The following DNAH6 variants were observed in gnomAD, a reference collection of about 807,000 sequenced individuals.
DNAH6 encodes dynein axonemal heavy chain 6.
DNAH6 carries 340 observed loss-of-function variants against 491.4 expected under a neutral mutation model. The observed-to-expected ratio is 0.69, with a 90% CI of 0.63 to 0.76. The LOEUF (loss-of-function observed/expected upper bound fraction) is 0.76, where lower values mean the gene tolerates loss of function less well. Ranked by LOEUF, DNAH6 falls within the 30% of genes least tolerant of loss-of-function variation. The pLI is 0.00. For synonymous variants in DNAH6, 1,603 were observed against 1,686.1 expected (o/e 0.95, Z 1.21); for missense variants, 4,443 against 4,972.2 (o/e 0.89, Z 3.20).
the DNAH6 span, among the ~76,000 whole-genome samples, chr2:84,500,621 T>C: frequency 6.6e-6 from 1 of 152,272 alleles, no homozygotes; most frequent in Admixed American, 6.5e-5. Context: ...TTACTTTAGG[T>C]AGTATAGATA....
intron 45 of DNAH6, among the ~76,000 whole-genome samples, chr2:84,693,418 C>T (rs1695064641): frequency 6.6e-6 from 1 of 152,040 alleles, no homozygotes; most frequent in South Asian, 2.1e-4. Context: ...TTTGAGTGCT[C>T]TCTCTCTAGT....
chr2:84,475,917 G>A, the DNAH6 span, among the ~76,000 whole-genome samples: 2,232 of 152,094 alleles, frequency 0.015, 38 homozygotes, highest in Middle Eastern at 0.095. Flanking sequence ...GCTGAACAAT[G>A]GCAACATCCT....
At chr2:84,532,997 A>G (rs1399538145) in intron 4 of DNAH6, among the ~76,000 whole-genome samples, 3 of 152,302 alleles carry the variant, frequency 2.0e-5, no homozygotes, top group South Asian at 2.1e-4. Context: ...CAGTACACGT[A>G]TGAGAAAAAT....
Position 84,685,316 on chromosome 2 carries a change from TAAAA to T in DNAH6, c.6917-7_6917-4del. On this transcript the variant is annotated splice_polypyrimidine_tract_variant and splice_region_variant and intron_variant, in intron 42 of 76. Coordinates refer to ENST00000389394, the MANE Select transcript of DNAH6 (RefSeq NM_001370.2). ...TTTTTCTTTTTTTTTTTCCTTTTCT[TAAAA>T]AACAGGTATCCTCCAATGTGATCCA... The T allele has an allele frequency of 6.9e-7, 1 of 1,449,224 alleles. No individual in the cohort carries two copies. The highest frequency in any genetic ancestry group is 1.5e-5 in the South Asian group (1 of 67,678). 89.8% of individuals were successfully genotyped at this position (1,449,224 alleles called of 1,614,324 possible). A position where few individuals can be genotyped will look rare whatever the true frequency, so the allele number is the denominator to read the frequency against.
Position 84,703,444 on chromosome 2 carries a change from T to C in DNAH6, c.8111T>C (p.Ile2704Thr), listed in dbSNP as rs997168327. 6.5e-7 allele frequency: 1 copy of C among 1,548,886 alleles called. No individual in the cohort carries two copies. The highest frequency in any genetic ancestry group is 2.0e-5 in the Admixed American group (1 of 50,726). The stretch of plus-strand genomic sequence containing the variant: ...CTCACCAAGCTACTAGAAACAAACA[T>C]ACTAGTAGATAAAATGAAACTAGAT... ...NGLTKLLETN[I>T]LVDKMKLDLS... Residue 2704 changes from isoleucine to threonine, a missense_variant, in exon 50 of 77, where the codon ATA (isoleucine) becomes ACA (threonine). Around this residue, in one of 3 missense-constraint regions of DNAH6, gnomAD observed 2,977 missense variants for 3,296.6 expected, o/e 0.90. Transcript: ENST00000389394.
chr2:84,656,409 T>C (rs1426645429), intron 35 of DNAH6, among the ~76,000 whole-genome samples: 5 of 152,126 alleles, frequency 3.3e-5, no homozygotes, highest in African/African-American at 1.2e-4. Context: ...TTCCCACCAA[T>C]AATGAATGAG....
chr2:84,503,506 C>T, the DNAH6 span, among the ~76,000 whole-genome samples: 20 of 152,052 alleles, frequency 1.3e-4, no homozygotes, highest in Non-Finnish European at 2.5e-4. Flanking sequence ...TTCAGGTGAT[C>T]ATTTATTGCT....
intron 54 of DNAH6, among the ~76,000 whole-genome samples, chr2:84,708,559 GGAAA>G (rs925190472): frequency 3.5e-5 from 5 of 144,810 alleles, no homozygotes; most frequent in African/African-American, 7.7e-5. Context: ...GAGGAAGGAA[GGAAA>G]GAAAGAGGGA....
At chr2:84,548,482 C>A in intron 8 of DNAH6, 65 bp downstream of exon 8, 1 of 1,576,018 alleles carries the variant, frequency 6.3e-7, no homozygotes, top group Non-Finnish European at 8.7e-7. Context: ...AAAAATTAAA[C>A]CCCAGAAAGT....
chr2:84,480,894 C>T, the DNAH6 span, among the ~76,000 whole-genome samples: 1 of 151,330 alleles, frequency 6.6e-6, no homozygotes, highest in South Asian at 2.1e-4. Context: ...ACCTGGGAGG[C>T]GGAGGTTGCA....
chr2:84,592,255 A>C (rs1327993692), intron 16 of DNAH6, among the ~76,000 whole-genome samples: 1 of 152,162 alleles, frequency 6.6e-6, no homozygotes, highest in Non-Finnish European at 1.5e-5. Context: ...ATAGCCAAAA[A>C]AAAAACCCAA....
chr2:84,707,681 T>A lies in DNAH6; in HGVS notation c.9013T>A (p.Tyr3005Asn). 6.4e-7 allele frequency: 1 copy of A among 1,552,326 alleles called. No homozygotes were observed. Among genetic ancestry groups the A allele is most frequent in the East Asian group, 2.4e-5 (1 of 40,918 alleles). The change falls in exon 54 of 77, where the codon TAC becomes AAC. Residue 3005 changes from tyrosine (Y) to asparagine (N), a missense_variant. Transcript: ENST00000389394. ...NVFIAAACVA[Y>N]YGAFTAQYRQ... Reference sequence around the variant, plus strand: ...GTTCATAGCAGCAGCTTGTGTGGCCTACTATGGGGCTTTCACAGCCCAGTA... The same window carrying A: ...GTTCATAGCAGCAGCTTGTGTGGCCAACTATGGGGCTTTCACAGCCCAGTA...
intron 63 of DNAH6, among the ~76,000 whole-genome samples, chr2:84,761,452 T>C (rs79828749): frequency 0.028 from 4,232 of 152,134 alleles, 202 homozygotes; most frequent in African/African-American, 0.097. Flanking sequence ...GTAACAAAAT[T>C]ACTTTTACCC....
At chr2:84,672,736 C>G (rs941088644) in intron 40 of DNAH6, among the ~76,000 whole-genome samples, 1 of 152,144 alleles carries the variant, frequency 6.6e-6, no homozygotes, top group Non-Finnish European at 1.5e-5. Flanking sequence ...CAAACCTCTT[C>G]TTATAAGGAC....
chr2:84,737,448 C>CT (rs1478124792), intron 62 of DNAH6, among the ~76,000 whole-genome samples: 1 of 151,354 alleles, frequency 6.6e-6, no homozygotes, highest in African/African-American at 2.4e-5. Context: ...TTGTAAAGGG[C>CT]TTTTTTTTCC....
At chr2:84,813,778 C>T (rs1366275405) in intron 74 of DNAH6, among the ~76,000 whole-genome samples, 193 bp from the exon 75 acceptor site, 2 of 152,134 alleles carry the variant, frequency 1.3e-5, no homozygotes, top group African/African-American at 4.8e-5. Context: ...ATCCCTTGGG[C>T]CCTTACCTCC....
At position 84,689,538 on chromosome 2, in the gene DNAH6, C is replaced by T. The variant is rs75960489; in HGVS notation, c.7292+945C>T. On this transcript the variant is annotated intron_variant, in intron 45 of 76. Transcript: ENST00000389394. Reference sequence around the variant, plus strand: ...ATCTGGGTTTCTCAACATGGTGGCTCAGGGCTCCAAAAGCAAGTGCTGCAA... The same window carrying T: ...ATCTGGGTTTCTCAACATGGTGGCTTAGGGCTCCAAAAGCAAGTGCTGCAA... Among the ~76,000 whole-genome samples the T allele has an allele frequency of 8.5e-3, 1,291 of 152,252 alleles. 22 individuals are homozygous for T. Among genetic ancestry groups the T allele is most frequent in the African/African-American group, 0.03 (1,240 of 41,552 alleles).
chr2:84,529,974 C>T (rs1677001293), intron 4 of DNAH6, among the ~76,000 whole-genome samples: 1 of 152,110 alleles, frequency 6.6e-6, no homozygotes, highest in African/African-American at 2.4e-5. Flanking sequence ...TTTAAAATGA[C>T]AGATGTGTTG....
intron 39 of DNAH6, 144 bp downstream of exon 39, chr2:84,670,619 A>G (rs1232624825): frequency 1.2e-5 from 8 of 651,812 alleles, no homozygotes; most frequent in South Asian, 4.2e-5. Context: ...TGGCATTTTT[A>G]TGCTAGCTAT....
Sources: allele counts gnomAD v4.1 joint callset (sites outside exome capture counted in the v4.1 genomes callset), GRCh38; gene constraint gnomAD v4.1.1; regional missense constraint gnomAD v4.1.1; transcripts MANE v1.5; gene names NCBI Gene and HGNC (gene_info 2026-07-23, HGNC 2026-07-21).